Variants in SLC2A9 observed in about 807,000 individuals in gnomAD.
The protein encoded by SLC2A9 is solute carrier family 2, facilitated glucose transporter member 9.
A neutral mutation model predicts 50.6 loss-of-function variants in SLC2A9; 39 were observed. That is an observed-to-expected ratio of 0.77 (90% CI 0.60 to 1.01). SLC2A9 has a LOEUF of 1.01. SLC2A9 is among the 50% of genes least tolerant of loss of function. SLC2A9 has a pLI of 0.00. For missense variants in SLC2A9, 686 were observed against 677.6 expected (o/e 1.01, Z -0.14); for synonymous variants, 324 against 276.9 (o/e 1.17, Z -1.69).
intron 1 of SLC2A9, among the ~76,000 whole-genome samples, chr4:10,032,981 T>C (rs538970785): frequency 3.3e-5 from 5 of 152,206 alleles, no homozygotes; most frequent in African/African-American, 1.2e-4. Flanking sequence ...AAAAGATGCA[T>C]GTAAAGCCGG....
At chr4:10,027,804 A>G (rs558654164) in intron 1 of SLC2A9, among the ~76,000 whole-genome samples, 1 of 152,150 alleles carries the variant, frequency 6.6e-6, no homozygotes, top group Non-Finnish European at 1.5e-5. Flanking sequence ...AAATCAGGGT[A>G]ATTAGGACAG....
chr4:9,968,147 T>A (rs1753336399), intron 5 of SLC2A9, among the ~76,000 whole-genome samples: 1 of 152,156 alleles, frequency 6.6e-6, no homozygotes, highest in African/African-American at 2.4e-5. Flanking sequence ...TATTTTTTTG[T>A]TTGTTTTATA....
chr4:9,880,903 T>G (rs1735090432), intron 10 of SLC2A9, among the ~76,000 whole-genome samples: 1 of 152,156 alleles, frequency 6.6e-6, no homozygotes, highest in African/African-American at 2.4e-5. Context: ...CAGTTTCTTC[T>G]CACTGCAGGT....
At chr4:9,797,441 T>A (rs1415862911), downstream of SLC2A9, among the ~76,000 whole-genome samples, 2 of 152,182 alleles carry the variant, frequency 1.3e-5, no homozygotes, top group Non-Finnish European at 1.5e-5. Context: ...GGCAGAGGTA[T>A]TAGAACTGAG....
intron 7 of SLC2A9, among the ~76,000 whole-genome samples, chr4:9,913,940 AG>A (rs1742376535): frequency 6.6e-6 from 1 of 152,212 alleles, no homozygotes; most frequent in African/African-American, 2.4e-5. Flanking sequence ...TCAGAGAAGA[AG>A]GGGGCTTATC....
intron 1 of SLC2A9, among the ~76,000 whole-genome samples, chr4:9,773,816 A>G (rs1195216570): frequency 6.6e-6 from 1 of 152,118 alleles, no homozygotes; most frequent in African/African-American, 2.4e-5. Context: ...GTAAGAGAGG[A>G]CACCCACTAC....
intron 5 of SLC2A9, among the ~76,000 whole-genome samples, chr4:9,977,112 C>T (rs1318487687): frequency 6.6e-6 from 1 of 152,112 alleles, no homozygotes; most frequent in East Asian, 1.9e-4. Flanking sequence ...GGCTGGGATC[C>T]AATCCTTTCT....
intron 5 of SLC2A9, among the ~76,000 whole-genome samples, chr4:9,973,149 A>T (rs71603979): frequency 0.069 from 10,547 of 152,282 alleles, 883 homozygotes; most frequent in East Asian, 0.47. Flanking sequence ...AAATATCTTC[A>T]GAGACTATTA....
rs201949415 is a variant in SLC2A9, at chr4:9,981,882, C to CTT, written c.536-1147_536-1146dup. ...CAGGTTTATCATTTGGCTTTAAATT[C>CTT]TTTTTTTTTTTTTTCCAAGATGGGG... is the stretch of plus-strand genomic sequence containing the variant. On this transcript the variant is annotated intron_variant, in intron 4 of 11. Transcript: ENST00000264784. 3.1e-3 allele frequency among the ~76,000 whole-genome samples: 444 copies of CTT among 143,752 alleles called. 1 individual carries two copies. Among genetic ancestry groups the CTT allele is most frequent in the East Asian group, 0.013 (65 of 4,940 alleles). The allele number at this position is 143,752 out of a possible 152,430, so 94.3% of individuals were successfully genotyped here.
chr4:9,929,457 C>A (rs373894881), intron 6 of SLC2A9, among the ~76,000 whole-genome samples: 21 of 152,320 alleles, frequency 1.4e-4, no homozygotes, highest in African/African-American at 5.0e-4. Context: ...CTCCTGCCCC[C>A]AGGGGTATTA....
intron 7 of SLC2A9, among the ~76,000 whole-genome samples, chr4:9,914,224 T>C (rs1742424289): frequency 6.6e-6 from 1 of 152,112 alleles, no homozygotes; most frequent in Non-Finnish European, 1.5e-5. Flanking sequence ...GCAAGTGGAA[T>C]TACCCGAGAG....
At chr4:9,821,373 C>G (rs980590640), downstream of SLC2A9, among the ~76,000 whole-genome samples, 10 of 151,784 alleles carry the variant, frequency 6.6e-5, no homozygotes, top group Admixed American at 1.3e-4. Context: ...TGGAATCCAT[C>G]AATCTCAGCA....
chr4:9,989,197 T>G (rs966105322), intron 3 of SLC2A9, among the ~76,000 whole-genome samples: 1 of 152,174 alleles, frequency 6.6e-6, no homozygotes, highest in Non-Finnish European at 1.5e-5. Context: ...TTTCATTACA[T>G]ATGCCTGGCA....
At chr4:9,792,638 C>T (rs1720101561) in intron 3 of SLC2A9, 1 of 152,218 alleles carries the variant, frequency 6.6e-6, no homozygotes, top group Admixed American at 6.5e-5. Context: ...ACATCAGGTA[C>T]ATATGTACAC....
Position 9,898,821 on chromosome 4 carries a change from G to A in SLC2A9, c.1114-8110C>T, listed in dbSNP as rs1739062319. Among the ~76,000 whole-genome samples the A allele has an allele frequency of 3.3e-5, 5 of 152,222 alleles. No individual in the cohort carries two copies. In the South Asian group the frequency reaches 6.2e-4, roughly 19 times the overall value. On this transcript the variant is annotated intron_variant, in intron 8 of 11. Coordinates refer to ENST00000264784, the MANE Select transcript of SLC2A9 (RefSeq NM_020041.3). ...ACGTCCTGTCTGACTGCTCCCTGCA[G>A]GGATCCCAGCCAAAGGCAAGAGCTC...
chr4:9,918,565 G>T (rs1467565342), intron 7 of SLC2A9, among the ~76,000 whole-genome samples: 1 of 152,208 alleles, frequency 6.6e-6, no homozygotes, highest in East Asian at 1.9e-4. Context: ...GTTTGACCTT[G>T]GAAAAGTTTC....
intron 3 of SLC2A9, among the ~76,000 whole-genome samples, chr4:9,987,853 G>A (rs897425113): frequency 1.3e-5 from 2 of 152,140 alleles, no homozygotes; most frequent in Non-Finnish European, 2.9e-5. Context: ...GAAAAAGAAA[G>A]AAAGAAACAT....
At chr4:9,894,725 G>T (rs759110168) in intron 8 of SLC2A9, among the ~76,000 whole-genome samples, 12 of 152,178 alleles carry the variant, frequency 7.9e-5, no homozygotes, top group Non-Finnish European at 1.8e-4. Flanking sequence ...GAAAATGAAG[G>T]TTGTTCATAA....
At chr4:9,920,629 A>C in intron 6 of SLC2A9, 57 bp from the exon 7 acceptor site, 3 of 1,600,480 alleles carry the variant, frequency 1.9e-6, no homozygotes, top group Non-Finnish European at 2.6e-6. Context: ...CATCATGTCT[A>C]ATGCTGGGCC....
Sources: allele counts gnomAD v4.1 joint callset (sites outside exome capture counted in the v4.1 genomes callset), GRCh38; gene constraint gnomAD v4.1.1; transcripts MANE v1.5; gene names NCBI Gene and HGNC (gene_info 2026-07-23, HGNC 2026-07-21).